MAST1: variants seen among roughly 807,000 people sequenced by gnomAD.
The protein encoded by MAST1 is microtubule-associated serine/threonine-protein kinase 1.
Under a neutral mutation model 124.6 loss-of-function variants are expected in MAST1, and 40 were observed. The observed-to-expected ratio is 0.32, with a 90% confidence interval of 0.25 to 0.42. The LOEUF is 0.42. Ranked by LOEUF, MAST1 falls within the 10% of genes least tolerant of loss-of-function variation. The pLI is 1.00. For synonymous variants in MAST1, 938 were observed against 939.4 expected (o/e 1.00, Z 0.03); for missense variants, 1,558 against 2,181.9 (o/e 0.71, Z 5.70).
Position 12,865,252 on chromosome 19 carries a change from G to A in MAST1, c.1639-64G>A. 6.3e-7 allele frequency: 1 copy of A among 1,585,914 alleles called. No individual in the cohort carries two copies. Among genetic ancestry groups the A allele is most frequent in the Non-Finnish European group, 8.6e-7 (1 of 1,165,144 alleles). On this transcript the variant is annotated intron_variant, in intron 14 of 25. Transcript: ENST00000251472. This position sits in a 1 kb window ranked among gnomAD's most constrained non-coding sequence, Gnocchi z 7.1. ...ACCTCGGGAACCCAGGGCCTGGTGGGGGGCACAGCTCTCCCTTGAGGGCCC... is the reference window on the plus strand; with the variant it reads ...ACCTCGGGAACCCAGGGCCTGGTGGAGGGCACAGCTCTCCCTTGAGGGCCC...
At position 12,865,901 on chromosome 19, in the gene MAST1, C is replaced by A. The variant is rs1401391654; in HGVS notation, c.1907-79C>A. 6.2e-7 allele frequency: 1 copy of A among 1,607,530 alleles called. No homozygotes were observed. The highest frequency in any genetic ancestry group is 1.3e-5 in the African/African-American group (1 of 74,938). ...CCCCAGGCCCAGCCTGTGCTGTGGC[C>A]CCGGGGCGGAAGACATGGGGGGCGG... On this transcript the variant is annotated intron_variant, in intron 16 of 25. Coordinates refer to ENST00000251472, the MANE Select transcript of MAST1 (RefSeq NM_014975.3). The surrounding 1 kb of genome is among the most constrained non-coding windows in gnomAD (Gnocchi z 7.1).
At position 12,865,543 on chromosome 19, in the gene MAST1, A is replaced by G; in HGVS notation, c.1804+62A>G. ...TGTGCACGGAGAGATGGACAGGCTC[A>G]GGGTTCCAGGGATTTCAAAAGCGAC... On this transcript the variant is annotated intron_variant, in intron 15 of 25. Coordinates refer to ENST00000251472, the MANE Select transcript of MAST1 (RefSeq NM_014975.3). This position sits in a 1 kb window ranked among gnomAD's most constrained non-coding sequence, Gnocchi z 7.1. 6.6e-7 allele frequency: 1 copy of G among 1,521,674 alleles called. No homozygotes were observed. The highest frequency in any genetic ancestry group is 8.8e-7 in the Non-Finnish European group (1 of 1,132,144). The allele number at this position is 1,521,674 out of a possible 1,614,324, so 94.3% of individuals were successfully genotyped here. A position where few individuals can be genotyped will look rare whatever the true frequency, so the allele number is the denominator to read the frequency against.
rs765107324 is a variant in MAST1, at chr19:12,838,673, T to C, written c.83+18T>C. On this transcript the variant is annotated intron_variant, in intron 1 of 25. Coordinates refer to ENST00000251472, the MANE Select transcript of MAST1 (RefSeq NM_014975.3). This position sits in a 1 kb window ranked among gnomAD's most constrained non-coding sequence, Gnocchi z 4.3. The stretch of plus-strand genomic sequence containing the variant: ...ACCAAGAGGTAGACCCCCGATCCCC[T>C]AGACATTGTCCCGGCCCTCCCCGCA... 1.2e-6 allele frequency: 2 copies of C among 1,605,126 alleles called. No homozygotes were observed. Among genetic ancestry groups the C allele is most frequent in the Admixed American group, 3.4e-5 (2 of 59,636 alleles).
chr19:12,853,936 C>T (rs147565773), intron 10 of MAST1, among the ~76,000 whole-genome samples: 3,236 of 150,146 alleles, frequency 0.022, 64 homozygotes, highest in Middle Eastern at 0.067. Flanking sequence ...ATAAACAATT[C>T]TGCAGCATTT....
Position 12,873,653 on chromosome 19 carries a change from T to A in MAST1, c.3496T>A (p.Ser1166Thr), listed in dbSNP as rs1970270546. The A allele has an allele frequency of 1.3e-6, 2 of 1,596,290 alleles. No homozygotes were observed. Among genetic ancestry groups the A allele is most frequent in the Non-Finnish European group, 1.7e-6 (2 of 1,175,214 alleles). ...CTCCCCAGCCTCGAGCACGCCCAAC[T>A]CGCCTGCGTCGTCGGCGTCGCACCA... ...SSSPASSTPN[S>T]PASSASHHIR... The change falls in exon 26 of 26, where the codon TCG (serine) becomes ACG (threonine). Residue 1166 changes from serine (S) to threonine (T), a missense_variant. Physicochemically the swap from Ser to Thr is moderately conservative, Grantham distance 58. Coordinates refer to ENST00000251472, the MANE Select transcript of MAST1 (RefSeq NM_014975.3).
rs1345680156 is a variant in MAST1, at chr19:12,866,123, C to T, written c.2029+21C>T. The stretch of plus-strand genomic sequence containing the variant: ...TGACAGTGAGCTGGGACACCAGGCA[C>T]GACCTGGGTCGAGGGGTGGGATCCG... On this transcript the variant is annotated intron_variant, in intron 17 of 25. Transcript: ENST00000251472. The surrounding 1 kb of genome is among the most constrained non-coding windows in gnomAD (Gnocchi z 5.2). The T allele has an allele frequency of 1.2e-6, 2 of 1,613,272 alleles. No individual in the cohort carries two copies. The highest frequency in any genetic ancestry group is 2.7e-5 in the African/African-American group (2 of 74,926).
rs544138498 is a variant in MAST1, at chr19:12,866,134, G to T, written c.2029+32G>T. ...TGGGACACCAGGCACGACCTGGGTC[G>T]AGGGGTGGGATCCGGGAAGAGGGAC... On this transcript the variant is annotated intron_variant, in intron 17 of 25. Coordinates refer to ENST00000251472, the MANE Select transcript of MAST1 (RefSeq NM_014975.3). The surrounding 1 kb of genome is among the most constrained non-coding windows in gnomAD (Gnocchi z 5.2). 2.4e-4 allele frequency: 383 copies of T among 1,612,966 alleles called. 2 individuals are homozygous for T. In the South Asian group the frequency reaches 4.0e-3, roughly 17 times the overall value.
chr19:12,863,044 GA>G (rs1040843474), intron 12 of MAST1, among the ~76,000 whole-genome samples: 10 of 151,460 alleles, frequency 6.6e-5, no homozygotes, highest in Non-Finnish European at 1.3e-4. Flanking sequence ...AGCTACTCGG[GA>G]GGCTGAGGAA....
intron 1 of MAST1, among the ~76,000 whole-genome samples, chr19:12,840,238 C>T (rs73004629): frequency 5.9e-5 from 9 of 152,362 alleles, no homozygotes; most frequent in Non-Finnish European, 1.3e-4. Flanking sequence ...CTGAGAGTTT[C>T]TCACACACAT....
At chr19:12,845,365 A>T (rs1006435380) in intron 4 of MAST1, among the ~76,000 whole-genome samples, 3 of 140,146 alleles carry the variant, frequency 2.1e-5, no homozygotes, top group African/African-American at 8.3e-5. Flanking sequence ...GCTTGAGCCC[A>T]GGAGTTTGAG....
At chr19:12,870,742 T>G (rs1400021555) in intron 22 of MAST1, 82 bp from the exon 23 acceptor site, 2 of 1,382,950 alleles carry the variant, frequency 1.4e-6, no homozygotes, top group South Asian at 2.8e-5. Context: ...CATGCAGAGC[T>G]AAGTGTCCTG....
At position 12,866,285 on chromosome 19, in the gene MAST1, G is replaced by C. The variant is rs900380434; in HGVS notation, c.2029+183G>C. Among the ~76,000 whole-genome samples, 6 of 152,152 alleles carry C rather than the reference G, an allele frequency of 3.9e-5. No individual in the cohort carries two copies. Among genetic ancestry groups the C allele is most frequent in the African/African-American group, 1.4e-4 (6 of 41,432 alleles). ...GGGGCTGACATACAGGCGGGGCTCA[G>C]GCTGAAATGTAGGTAAGAACCTGAG... On this transcript the variant is annotated intron_variant, in intron 17 of 25. Transcript: ENST00000251472. This position sits in a 1 kb window ranked among gnomAD's most constrained non-coding sequence, Gnocchi z 5.2.
At chr19:12,871,327 G>T (rs1472020433) in intron 24 of MAST1, among the ~76,000 whole-genome samples, 155 bp downstream of exon 24, 1 of 152,116 alleles carries the variant, frequency 6.6e-6, no homozygotes, top group Non-Finnish European at 1.5e-5. Context: ...AGGGGCTGCG[G>T]GCTGGGCGCG....
intron 10 of MAST1, among the ~76,000 whole-genome samples, chr19:12,853,571 AAAT>A (rs1969987808): frequency 6.6e-6 from 1 of 150,554 alleles, no homozygotes; most frequent in Admixed American, 6.6e-5. Flanking sequence ...ATGAAATTAA[AAAT>A]AATAAAGAAT....
chr19:12,842,159 A>G (rs1366620305), intron 3 of MAST1, among the ~76,000 whole-genome samples: 1 of 152,124 alleles, frequency 6.6e-6, no homozygotes, highest in African/African-American at 2.4e-5. Flanking sequence ...GTCTGTGAAT[A>G]TGTGAGAGGA....
chr19:12,839,201 C>T (rs1327827985), intron 1 of MAST1, among the ~76,000 whole-genome samples: 1 of 151,124 alleles, frequency 6.6e-6, no homozygotes, highest in Non-Finnish European at 1.5e-5. Flanking sequence ...TGACACACAG[C>T]GTCACACAGG....
rs1244161911 is a variant in MAST1, at chr19:12,841,377, C to T, written c.248+311C>T. ...CTCTCCTGGCCAGGTGTTTCCATAG[C>T]AACAGGACGGGGCAGCCAAGATGAC... On this transcript the variant is annotated intron_variant, in intron 3 of 25. Transcript: ENST00000251472. This position sits in a 1 kb window ranked among gnomAD's most constrained non-coding sequence, Gnocchi z 4.3. 6.6e-6 allele frequency among the ~76,000 whole-genome samples: 1 copy of T among 152,264 alleles called. No individual in the cohort carries two copies. Among genetic ancestry groups the T allele is most frequent in the African/African-American group, 2.4e-5 (1 of 41,478 alleles).
chr19:12,851,819 C>T, intron 7 of MAST1, 115 bp from the exon 8 acceptor site: 1 of 765,110 alleles, frequency 1.3e-6, no homozygotes, highest in Admixed American at 2.5e-5. Flanking sequence ...GGGCTTCAGT[C>T]TCCTCACCTG....
intron 12 of MAST1, among the ~76,000 whole-genome samples, chr19:12,864,387 C>T (rs1306438511): frequency 7.2e-6 from 1 of 138,132 alleles, no homozygotes; most frequent in African/African-American, 2.8e-5. Flanking sequence ...GAGTAAGACC[C>T]TGTCTCAAAA....
Sources: allele counts gnomAD v4.1 joint callset (sites outside exome capture counted in the v4.1 genomes callset), GRCh38; gene constraint gnomAD v4.1.1; non-coding constraint Gnocchi (gnomAD v3.1); transcripts MANE v1.5; gene names NCBI Gene and HGNC (gene_info 2026-07-23, HGNC 2026-07-21).